The following PAQR5 variants were observed in gnomAD, a reference collection of about 807,000 sequenced individuals.
The protein encoded by PAQR5 is membrane progestin receptor gamma.
PAQR5 carries 20 observed loss-of-function variants against 34.5 expected under a neutral mutation model. That is an observed-to-expected ratio of 0.58 (90% confidence interval 0.41 to 0.84). PAQR5 has a LOEUF of 0.84. Among genes scored for constraint, PAQR5 ranks in the 40% least tolerant of loss-of-function variants. The pLI is 0.00. For synonymous variants in PAQR5, 131 were observed against 155.6 expected (o/e 0.84, Z 1.18); for missense variants, 378 against 412.7 (o/e 0.92, Z 0.73).
At chr15:69,361,245 A>G (rs894029470) in intron 3 of PAQR5, among the ~76,000 whole-genome samples, 4 of 152,178 alleles carry the variant, frequency 2.6e-5, no homozygotes, top group African/African-American at 9.6e-5. Context: ...TGATTCTTGA[A>G]TTTATTTACT....
At chr15:69,348,492 T>C (rs1292542375) in intron 2 of PAQR5, among the ~76,000 whole-genome samples, 4 of 152,148 alleles carry the variant, frequency 2.6e-5, no homozygotes, top group African/African-American at 9.7e-5. Flanking sequence ...GTGAATGAGA[T>C]GAGACAGGCA....
intron 3 of PAQR5, among the ~76,000 whole-genome samples, chr15:69,368,885 C>G (rs940787015): frequency 1.3e-5 from 2 of 152,100 alleles, no homozygotes; most frequent in African/African-American, 4.8e-5. Flanking sequence ...CCTGCCTCAG[C>G]CTCCCCAGTA....
At chr15:69,329,185 CATAG>C (rs2054321317) in intron 1 of PAQR5, among the ~76,000 whole-genome samples, 1 of 152,184 alleles carries the variant, frequency 6.6e-6, no homozygotes, top group African/African-American at 2.4e-5. Context: ...TGTTGAAAGC[CATAG>C]CCCTTGTCCC....
chr15:69,373,186 C>G (rs748765294), intron 3 of PAQR5, among the ~76,000 whole-genome samples: 2 of 152,076 alleles, frequency 1.3e-5, no homozygotes, highest in Non-Finnish European at 2.9e-5. Context: ...TATACTGGGC[C>G]GACCTCGGTA....
At chr15:69,359,175 C>T (rs890009854) in intron 2 of PAQR5, among the ~76,000 whole-genome samples, 12 of 152,168 alleles carry the variant, frequency 7.9e-5, no homozygotes, top group African/African-American at 1.2e-4. Context: ...TAATCCCACT[C>T]GTAAGGGCAG....
chr15:69,331,671 A>G (rs1484643707), intron 1 of PAQR5, among the ~76,000 whole-genome samples: 3 of 152,002 alleles, frequency 2.0e-5, no homozygotes, highest in Non-Finnish European at 2.9e-5. Flanking sequence ...TCCATTGTGA[A>G]TTACCATTTG....
At chr15:69,359,000 C>G (rs937073637) in intron 2 of PAQR5, among the ~76,000 whole-genome samples, 1 of 152,102 alleles carries the variant, frequency 6.6e-6, no homozygotes, top group African/African-American at 2.4e-5. Flanking sequence ...TTATAAACAA[C>G]AGAAATTTAT....
intron 7 of PAQR5, 152 bp downstream of exon 7, chr15:69,397,716 C>G (rs530293163): frequency 1.1e-5 from 7 of 650,720 alleles, no homozygotes; most frequent in Non-Finnish European, 1.9e-5. Context: ...CCCTCCACAC[C>G]TGTGGGTATT....
intron 1 of PAQR5, among the ~76,000 whole-genome samples, chr15:69,322,532 T>A (rs2054121253): frequency 1.4e-5 from 2 of 144,024 alleles, no homozygotes; most frequent in South Asian, 4.4e-4. Flanking sequence ...GTGCGTGTGG[T>A]CCAAGCTACT....
At chr15:69,357,754 A>G (rs1483030883) in intron 2 of PAQR5, among the ~76,000 whole-genome samples, 1 of 152,218 alleles carries the variant, frequency 6.6e-6, no homozygotes, top group Non-Finnish European at 1.5e-5. Context: ...ATAGTTTCAG[A>G]TAACACTTAG....
chr15:69,327,953 G>T (rs984872034), intron 1 of PAQR5, among the ~76,000 whole-genome samples: 3 of 151,940 alleles, frequency 2.0e-5, no homozygotes, highest in African/African-American at 7.2e-5. Context: ...TAATTTTTTT[G>T]TATTTTTAGT....
At chr15:69,334,250 G>A (rs183632573) in intron 1 of PAQR5, among the ~76,000 whole-genome samples, 1 of 152,178 alleles carries the variant, frequency 6.6e-6, no homozygotes, top group African/African-American at 2.4e-5. Flanking sequence ...GGATGGTCTC[G>A]AGCTCTTGAC....
chr15:69,347,166 G>T (rs976194786), intron 2 of PAQR5, among the ~76,000 whole-genome samples: 1 of 152,146 alleles, frequency 6.6e-6, no homozygotes, highest in African/African-American at 2.4e-5. Flanking sequence ...CATTTTAAAT[G>T]CAAAATAACC....
chr15:69,368,273 G>A (rs1165040529), intron 3 of PAQR5, among the ~76,000 whole-genome samples: 3 of 152,162 alleles, frequency 2.0e-5, no homozygotes, highest in Non-Finnish European at 2.9e-5. Context: ...GGCTGGTCTC[G>A]AACTCCTGAC....
intron 1 of PAQR5, among the ~76,000 whole-genome samples, chr15:69,324,485 C>G (rs1357250504): frequency 6.6e-6 from 1 of 152,206 alleles, no homozygotes; most frequent in East Asian, 1.9e-4. Context: ...ATTAGAAACT[C>G]AGAAACTAAG....
intron 2 of PAQR5, among the ~76,000 whole-genome samples, chr15:69,344,203 G>A (rs540218178): frequency 7.2e-5 from 11 of 152,302 alleles, no homozygotes; most frequent in South Asian, 4.1e-4. Flanking sequence ...CTGATGTGAC[G>A]GCTGTCTTGT....
At chr15:69,313,319 T>C (rs1473882841) in intron 1 of PAQR5, among the ~76,000 whole-genome samples, 1 of 152,098 alleles carries the variant, frequency 6.6e-6, no homozygotes, top group Non-Finnish European at 1.5e-5. Flanking sequence ...GGCAACATAG[T>C]GAGACCCCCA....
intron 3 of PAQR5, among the ~76,000 whole-genome samples, chr15:69,360,745 A>G (rs916030766): frequency 2.0e-5 from 3 of 152,212 alleles, no homozygotes; most frequent in Non-Finnish European, 2.9e-5. Flanking sequence ...TTGCAAAGGA[A>G]ACATCATTGT....
At chr15:69,357,609 C>T (rs1185960282) in intron 2 of PAQR5, among the ~76,000 whole-genome samples, 1 of 152,166 alleles carries the variant, frequency 6.6e-6, no homozygotes, top group African/African-American at 2.4e-5. Context: ...GATACCACCA[C>T]ATTTTGTTCA....
Sources: gnomAD v4.1 joint callset for allele counts (sites outside exome capture counted in the v4.1 genomes callset) on GRCh38, gnomAD v4.1.1 for gene constraint, MANE v1.5 for transcripts, NCBI Gene and HGNC (gene_info 2026-07-23, HGNC 2026-07-21) for gene names.